The following SIX1 variants were observed in gnomAD, a reference collection of about 807,000 sequenced individuals.
SIX1 encodes the protein SIX homeobox 1, also known as homeobox protein SIX1.
A neutral mutation model predicts 26.5 loss-of-function variants in SIX1; 11 were observed. That is an observed-to-expected ratio of 0.41 (90% CI 0.26 to 0.69). The LOEUF (loss-of-function observed/expected upper bound fraction) is 0.69, where lower values mean the gene tolerates loss of function less well. SIX1 is among the 30% of genes least tolerant of loss of function. The probability of loss-of-function intolerance (pLI) is 0.28; values close to 1 mark genes in which losing one functional copy is unlikely to be tolerated. For missense variants in SIX1, 333 were observed against 365.9 expected (o/e 0.91, Z 0.73); for synonymous variants, 177 against 166.2 (o/e 1.06, Z -0.50).
In SIX1 at chr14:60,644,368, T is replaced by C. The variant is rs543686996; in HGVS notation, c.*1915A>G. 6.6e-6 allele frequency: 1 copy of C among 152,246 alleles called. No homozygotes were observed. Among genetic ancestry groups the C allele is most frequent in the Admixed American group, 6.5e-5 (1 of 15,302 alleles). 9.4% of individuals were successfully genotyped at this position (152,246 alleles called of 1,614,324 possible). ...TGGGACCCTGAGCTCCCAAACCAAA[T>C]GATGGTCTCTGAGTGGCTGTGTGCA... On this transcript the variant is annotated 3_prime_UTR_variant, in exon 2 of 2. Transcript: ENST00000645694.
At position 60,646,476 on chromosome 14, in the gene SIX1, G is replaced by A; in HGVS notation, c.662C>T (p.Ser221Leu). The change falls in exon 2 of 2, where the codon TCA becomes TTA. Residue 221 changes from serine (S) to leucine (L), a missense_variant. Physicochemically the swap from Ser to Leu is moderately radical, Grantham distance 145. Transcript: ENST00000645694. The part of the protein sequence containing the change: ...PLMSSSEEEF[S>L]PPQSPDQNSV... Reference sequence around the variant, plus strand: ...GTTCTGGTCTGGACTTTGGGGAGGTGAGAATTCCTCTTCTGAGCTGGACAT... The same window carrying A: ...GTTCTGGTCTGGACTTTGGGGAGGTAAGAATTCCTCTTCTGAGCTGGACAT... 6.2e-7 allele frequency: 1 copy of A among 1,614,084 alleles called. No individual in the cohort carries two copies. Among genetic ancestry groups the A allele is most frequent in the Non-Finnish European group, 8.5e-7 (1 of 1,180,016 alleles).
Position 60,648,187 on chromosome 14 carries a change from A to G in SIX1, c.560+443T>C, listed in dbSNP as rs1024222449. ...CCAGGCGGGAGTGGGGGCAGAGCCA[A>G]TGTCTCAGGCCAGCTTCACCCCTCT... On this transcript the variant is annotated intron_variant, in intron 1 of 1. Transcript: ENST00000645694. This position sits in a 1 kb window ranked among gnomAD's most constrained non-coding sequence, Gnocchi z 7.9. Among the ~76,000 whole-genome samples, 1 of 152,156 alleles carries G rather than the reference A, an allele frequency of 6.6e-6. No homozygotes were observed. Among genetic ancestry groups the G allele is most frequent in the African/African-American group, 2.4e-5 (1 of 41,442 alleles).
chr14:60,648,945 T>C lies in SIX1; in HGVS notation c.245A>G (p.Lys82Arg), dbSNP rs766600023. Residue 82 changes from lysine to arginine, a missense_variant, in exon 1 of 2, where the codon AAA (lysine) becomes AGA (arginine). By Grantham distance (26) the Lys-to-Arg change is conservative. Around this residue, in one of 3 missense-constraint regions of SIX1, gnomAD observed 133 missense variants for 131.8 expected, o/e 1.01. Transcript: ENST00000645694. The surrounding 1 kb of genome is among the most constrained non-coding windows in gnomAD (Gnocchi z 7.9). ...SHQFSPHNHPKLQQLWLKAHY... is the reference protein window; with the variant it reads ...SHQFSPHNHPRLQQLWLKAHY... The stretch of plus-strand genomic sequence containing the variant: ...CGCCTTCAGCCACAGTTGCTGCAGT[T>C]TGGGGTGGTTGTGAGGCGAGAACTG... 1.9e-6 allele frequency: 3 copies of C among 1,614,120 alleles called. No homozygotes were observed. In the South Asian group the frequency reaches 3.3e-5, roughly 18 times the overall value.
At position 60,648,887 on chromosome 14, in the gene SIX1, T is replaced by C. The variant is rs1164350555; in HGVS notation, c.303A>G (p.Arg101=). 2.5e-6 allele frequency: 4 copies of C among 1,613,908 alleles called. No homozygotes were observed. The South Asian group carries it at 4.4e-5, about 18-fold the overall frequency. ...HYVEAEKLRG[R]PLGAVGKYRV... is the part of the protein sequence containing the mutation. ...GATATTTGCCCACGGCGCCCAGGGGTCGGCCGCGCAGCTTCTCGGCCTCCA... is the reference window on the plus strand; with the variant it reads ...GATATTTGCCCACGGCGCCCAGGGGCCGGCCGCGCAGCTTCTCGGCCTCCA... Residue 101 remains arginine, a synonymous_variant, in exon 1 of 2, where the codon CGA becomes CGG. Coordinates refer to ENST00000645694, the MANE Select transcript of SIX1 (RefSeq NM_005982.4). This position sits in a 1 kb window ranked among gnomAD's most constrained non-coding sequence, Gnocchi z 7.9.
chr14:60,649,358 G>C lies in SIX1; in HGVS notation c.-169C>G. 1 of 620,682 alleles carries C rather than the reference G, an allele frequency of 1.6e-6. No individual in the cohort carries two copies. The highest frequency in any genetic ancestry group is 1.9e-5 in the South Asian group (1 of 51,306). 38.4% of individuals were successfully genotyped at this position (620,682 alleles called of 1,614,324 possible). A position where few individuals can be genotyped will look rare whatever the true frequency, so the allele number is the denominator to read the frequency against. Reference sequence around the variant, plus strand: ...AACTTGGCGGTGGGCGGCCAAGGAAGAGAAGGCGGAGGAGTAGGGGAGGTT... The same window carrying C: ...AACTTGGCGGTGGGCGGCCAAGGAACAGAAGGCGGAGGAGTAGGGGAGGTT... On this transcript the variant is annotated 5_prime_UTR_variant, in exon 1 of 2. Coordinates refer to ENST00000645694, the MANE Select transcript of SIX1 (RefSeq NM_005982.4). This position sits in a 1 kb window ranked among gnomAD's most constrained non-coding sequence, Gnocchi z 5.1.
chr14:60,649,067 G>A lies in SIX1; in HGVS notation c.123C>T (p.Asp41=). ...GRFLWSLPAC[D]HLHKNESVLK... is the part of the protein sequence containing the mutation. ...GTACGCTCTCGTTCTTGTGCAGGTG[G>A]TCGCAGGCGGGCAGTGACCACAGGA... is the stretch of plus-strand genomic sequence containing the variant. Residue 41 remains aspartate, a synonymous_variant, in exon 1 of 2, where the codon GAC becomes GAT. Transcript: ENST00000645694. This position sits in a 1 kb window ranked among gnomAD's most constrained non-coding sequence, Gnocchi z 5.1. 1 of 1,613,858 alleles carries A rather than the reference G, an allele frequency of 6.2e-7. No individual in the cohort carries two copies. Among genetic ancestry groups the A allele is most frequent in the Non-Finnish European group, 8.5e-7 (1 of 1,179,952 alleles).
In SIX1 at chr14:60,646,231, CTGCA is replaced by C. The variant is rs2140239283; in HGVS notation, c.*48_*51del. ...TTCTATTTACAAGTGTCCCTAGTCG[CTGCA>C]GTGGTTGCTGCTCCAGGAATCCCTT... On this transcript the variant is annotated 3_prime_UTR_variant, in exon 2 of 2. Coordinates refer to ENST00000645694, the MANE Select transcript of SIX1 (RefSeq NM_005982.4). 6.4e-6 allele frequency: 10 copies of C among 1,568,826 alleles called. No homozygotes were observed. The South Asian group carries it at 6.8e-5, about 11-fold the overall frequency.
chr14:60,646,607 TAAAAAAAAAAAA>T, intron 1 of SIX1, 30 bp from the exon 2 acceptor site: 7 of 831,216 alleles, frequency 8.4e-6, no homozygotes, highest in Non-Finnish European at 1.2e-5. Context: ...ACCATATGGT[TAAAAAAAAAAAA>T]AAAAAAAAAA....
In SIX1 at chr14:60,646,321, C is replaced by A. The variant is rs764896733; in HGVS notation, c.817G>T (p.Gly273Cys). The A allele has an allele frequency of 6.2e-7, 1 of 1,613,462 alleles. No individual in the cohort carries two copies. The change falls in exon 2 of 2, where the codon GGC becomes TGC. Residue 273 changes from glycine to cysteine, a missense_variant. By Grantham distance (159) the Gly-to-Cys change is radical (BLOSUM62 -3). Around this residue, in one of 3 missense-constraint regions of SIX1, gnomAD observed 199 missense variants for 215.2 expected, o/e 0.92. Coordinates refer to ENST00000645694, the MANE Select transcript of SIX1 (RefSeq NM_005982.4). ...TCCACCAGACTGGAGGTGAGGGGGC[C>A]GAGCAGAGAGTCTTGGAGCTGATGC... ...HQHQLQDSLLGPLTSSLVDLG... is the reference protein window; with the variant it reads ...HQHQLQDSLLCPLTSSLVDLG...
At position 60,648,956 on chromosome 14, in the gene SIX1, G is replaced by T; in HGVS notation, c.234C>A (p.His78Gln). 6.2e-7 allele frequency: 1 copy of T among 1,614,238 alleles called. No individual in the cohort carries two copies. The highest frequency in any genetic ancestry group is 8.5e-7 in the Non-Finnish European group (1 of 1,180,038). The change falls in exon 1 of 2, where the codon CAC (histidine) becomes CAA (glutamine). Residue 78 changes from histidine to glutamine, a missense_variant. His to Gln is a conservative substitution (Grantham distance 24). This residue lies in a region of SIX1 where 133 missense variants were observed against 131.8 expected (regional missense o/e 1.01). Transcript: ENST00000645694. The surrounding 1 kb of genome is among the most constrained non-coding windows in gnomAD (Gnocchi z 7.9). ...KILESHQFSPHNHPKLQQLWL... is the reference protein window; with the variant it reads ...KILESHQFSPQNHPKLQQLWL... Reference sequence around the variant, plus strand: ...ACAGTTGCTGCAGTTTGGGGTGGTTGTGAGGCGAGAACTGGTGGCTCTCCA... The same window carrying T: ...ACAGTTGCTGCAGTTTGGGGTGGTTTTGAGGCGAGAACTGGTGGCTCTCCA...
Position 60,646,541 on chromosome 14 carries a change from C to A in SIX1, c.597G>T (p.Lys199Asn), listed in dbSNP as rs1168903423. Residue 199 changes from lysine (K) to asparagine (N), a missense_variant, in exon 2 of 2, where the codon AAG becomes AAT. Physicochemically the swap from Lys to Asn is moderately conservative, Grantham distance 94. Around this residue, in one of 3 missense-constraint regions of SIX1, gnomAD observed 199 missense variants for 215.2 expected, o/e 0.92. Coordinates refer to ENST00000645694, the MANE Select transcript of SIX1 (RefSeq NM_005982.4). ...NTENNNSSSNKQNQLSPLEGG... is the reference protein window; with the variant it reads ...NTENNNSSSNNQNQLSPLEGG... ...CTTCCAGAGGAGAGAGTTGGTTCTG[C>A]TTGTTGGAGGAGGAGTTATTGTTTT... is the stretch of plus-strand genomic sequence containing the variant. 6.2e-7 allele frequency: 1 copy of A among 1,600,034 alleles called. No homozygotes were observed. Among genetic ancestry groups the A allele is most frequent in the South Asian group, 1.1e-5 (1 of 90,750 alleles).
chr14:60,648,954 T>C lies in SIX1; in HGVS notation c.236A>G (p.Asn79Ser), dbSNP rs767354178. The change falls in exon 1 of 2, where the codon AAC becomes AGC. Residue 79 changes from asparagine (N) to serine (S), a missense_variant. Transcript: ENST00000645694. This position sits in a 1 kb window ranked among gnomAD's most constrained non-coding sequence, Gnocchi z 7.9. Reference sequence around the variant, plus strand: ...CCACAGTTGCTGCAGTTTGGGGTGGTTGTGAGGCGAGAACTGGTGGCTCTC... The same window carrying C: ...CCACAGTTGCTGCAGTTTGGGGTGGCTGTGAGGCGAGAACTGGTGGCTCTC... ...ILESHQFSPH[N>S]HPKLQQLWLK... 4 of 1,613,984 alleles carry C rather than the reference T, an allele frequency of 2.5e-6. No individual in the cohort carries two copies. In the African/African-American group the frequency reaches 4.0e-5, roughly 16 times the overall value.
chr14:60,648,731 C>A lies in SIX1; in HGVS notation c.459G>T (p.Glu153Asp). The change falls in exon 1 of 2, where the codon GAG becomes GAT. Residue 153 changes from glutamate (E) to aspartate (D), a missense_variant. By Grantham distance (45) the Glu-to-Asp change is conservative. Around this residue, in one of 3 missense-constraint regions of SIX1, gnomAD observed 199 missense variants for 215.2 expected, o/e 0.92. Transcript: ENST00000645694. This position sits in a 1 kb window ranked among gnomAD's most constrained non-coding sequence, Gnocchi z 7.9. ...YAHNPYPSPR[E>D]KRELAEATGL... Reference sequence around the variant, plus strand: ...CGGTGGCCTCGGCCAGCTCCCGCTTCTCACGCGGCGATGGGTAGGGATTGT... The same window carrying A: ...CGGTGGCCTCGGCCAGCTCCCGCTTATCACGCGGCGATGGGTAGGGATTGT... The A allele has an allele frequency of 6.2e-7, 1 of 1,613,592 alleles. No homozygotes were observed. Among genetic ancestry groups the A allele is most frequent in the Non-Finnish European group, 8.5e-7 (1 of 1,179,544 alleles).
rs372978267 is a variant in SIX1, at chr14:60,648,982, G to C, written c.208C>G (p.Leu70Val). 1.2e-6 allele frequency: 2 copies of C among 1,614,194 alleles called. No homozygotes were observed. The highest frequency in any genetic ancestry group is 1.7e-6 in the Non-Finnish European group (2 of 1,180,022). Reference sequence around the variant, plus strand: ...TGAGGCGAGAACTGGTGGCTCTCCAGGATCTTGTAGAGCTCACGGAAGTTG... The same window carrying C: ...TGAGGCGAGAACTGGTGGCTCTCCACGATCTTGTAGAGCTCACGGAAGTTG... The part of the protein sequence containing the change: ...RGNFRELYKI[L>V]ESHQFSPHNH... The change falls in exon 1 of 2, where the codon CTG becomes GTG. Residue 70 changes from leucine to valine, a missense_variant. Transcript: ENST00000645694. The surrounding 1 kb of genome is among the most constrained non-coding windows in gnomAD (Gnocchi z 7.9).
intron 1 of SIX1, among the ~76,000 whole-genome samples, chr14:60,647,000 A>T (rs1320400852): frequency 1.3e-5 from 2 of 152,274 alleles, no homozygotes; most frequent in African/African-American, 2.4e-5. Flanking sequence ...TAAAGAAATG[A>T]TAGAGGACAG....
rs796281775 is a variant in SIX1, at chr14:60,648,635, C to T, written c.555G>A (p.Lys185=). ...GCGGGAAGCACGCCGCGTACCTTTC[C>T]TTGGCCTCCGCGGCCCGGTCTCTTT... ...RRQRDRAAEA[K]ERENTENNNS... is the part of the protein sequence containing the mutation. Residue 185 remains lysine (K), a synonymous_variant, in exon 1 of 2, where the codon AAG becomes AAA. Coordinates refer to ENST00000645694, the MANE Select transcript of SIX1 (RefSeq NM_005982.4). This position sits in a 1 kb window ranked among gnomAD's most constrained non-coding sequence, Gnocchi z 7.9. 6.2e-7 allele frequency: 1 copy of T among 1,612,780 alleles called. No homozygotes were observed. The highest frequency in any genetic ancestry group is 8.5e-7 in the Non-Finnish European group (1 of 1,179,404).
At position 60,647,119 on chromosome 14, in the gene SIX1, G is replaced by C. The variant is rs532049716; in HGVS notation, c.561-542C>G. On this transcript the variant is annotated intron_variant, in intron 1 of 1. Coordinates refer to ENST00000645694, the MANE Select transcript of SIX1 (RefSeq NM_005982.4). The surrounding 1 kb of genome is among the most constrained non-coding windows in gnomAD (Gnocchi z 5.1). ...GCCCCAGCCCAGAGTTGGTGGTTTT[G>C]CAGACACAGAACAGGTCATGGGAAG... is the stretch of plus-strand genomic sequence containing the variant. Among the ~76,000 whole-genome samples, 29 of 152,310 alleles carry C rather than the reference G, an allele frequency of 1.9e-4. No homozygotes were observed. Among genetic ancestry groups the C allele is most frequent in the Non-Finnish European group, 3.2e-4 (22 of 68,030 alleles).
At chr14:60,646,682 A>C in intron 1 of SIX1, 105 bp from the exon 2 acceptor site, 1 of 1,015,812 alleles carries the variant, frequency 9.8e-7, no homozygotes, top group Non-Finnish European at 1.4e-6. Context: ...GAAGGAGGAA[A>C]GGGCCATTGT....
rs1894914536 is a variant in SIX1 at position 60,644,970 on chromosome 14, A to T, written c.*1313T>A. ...GCAGATAAATTATTTTTACTTTCAC[A>T]GTCTTGTCATAAACTTGTTAACACA... On this transcript the variant is annotated 3_prime_UTR_variant, in exon 2 of 2. Coordinates refer to ENST00000645694, the MANE Select transcript of SIX1 (RefSeq NM_005982.4). 1 of 152,208 alleles carries T rather than the reference A, an allele frequency of 6.6e-6. No individual in the cohort carries two copies. Among genetic ancestry groups the T allele is most frequent in the Non-Finnish European group, 1.5e-5 (1 of 68,034 alleles). The allele number at this position is 152,208 out of a possible 1,614,324, so 9.4% of individuals were successfully genotyped here.
Sources: allele counts gnomAD v4.1 joint callset (sites outside exome capture counted in the v4.1 genomes callset), GRCh38; gene constraint gnomAD v4.1.1; regional missense constraint gnomAD v4.1.1; non-coding constraint Gnocchi (gnomAD v3.1); transcripts MANE v1.5; gene names NCBI Gene and HGNC (gene_info 2026-07-23, HGNC 2026-07-21).